MYH10: variants seen among roughly 807,000 people sequenced by gnomAD.
The protein encoded by MYH10 is myosin heavy chain 10, also known as myosin-10.
A neutral mutation model predicts 257.8 loss-of-function variants in MYH10; 55 were observed. The observed-to-expected ratio is 0.21, with a 90% CI of 0.17 to 0.27. The LOEUF is 0.27. MYH10 is among the 10% of genes least tolerant of loss of function. The pLI is 1.00. For missense variants in MYH10, 1,631 were observed against 2,500.6 expected, an observed-to-expected ratio of 0.65 and a Z score of 7.42; for synonymous variants, 854 against 921.7, an observed-to-expected ratio of 0.93 and a Z score of 1.33.
intron 4 of MYH10, among the ~76,000 whole-genome samples, chr17:8,580,598 T>G (rs2083668564): frequency 1.3e-5 from 2 of 152,162 alleles, no homozygotes; most frequent in Non-Finnish European, 2.9e-5. Flanking sequence ...TTTTTAAAGT[T>G]TACTCCTAGG....
At chr17:8,500,532 T>C (rs553029319) in intron 29 of MYH10, among the ~76,000 whole-genome samples, 1 of 152,266 alleles carries the variant, frequency 6.6e-6, no homozygotes, top group Non-Finnish European at 1.5e-5. Flanking sequence ...ATTCGGGGTT[T>C]TGAGTGAAGC....
At position 8,565,895 on chromosome 17, in the gene MYH10, C is replaced by T. The variant is rs145313534; in HGVS notation, c.756+3825G>A. 5.4e-3 allele frequency among the ~76,000 whole-genome samples: 828 copies of T among 152,302 alleles called. 3 individuals are homozygous for T. The highest frequency in any genetic ancestry group is 6.7e-3 in the Non-Finnish European group (454 of 68,012). On this transcript the variant is annotated intron_variant, in intron 7 of 42. Coordinates refer to ENST00000360416, the MANE Select transcript of MYH10 (RefSeq NM_001256012.3). ...GTATACATAACAAGCATTAAATAGA[C>T]TCATGTATTACTTTGCAAATAAATT...
chr17:8,558,091 C>T (rs533320229), intron 7 of MYH10, among the ~76,000 whole-genome samples: 3 of 152,144 alleles, frequency 2.0e-5, no homozygotes, highest in Non-Finnish European at 4.4e-5. Flanking sequence ...ATAAAACTGA[C>T]AATTTGTTTA....
rs1490180911 is a variant in MYH10, at chr17:8,500,976, G to A, written c.3600-6C>T. 10 of 1,610,414 alleles carry A rather than the reference G, an allele frequency of 6.2e-6. No homozygotes were observed. The highest frequency in any genetic ancestry group is 2.7e-5 in the African/African-American group (2 of 74,606). Reference sequence around the variant, plus strand: ...CTTCTTGTTCACGTTTTGTACTAGAGAAGGACATTTTTTAAGAGAGATCAG... The same window carrying A: ...CTTCTTGTTCACGTTTTGTACTAGAAAAGGACATTTTTTAAGAGAGATCAG... On this transcript the variant is annotated splice_region_variant and splice_polypyrimidine_tract_variant and intron_variant, in intron 28 of 42. Coordinates refer to ENST00000360416, the MANE Select transcript of MYH10 (RefSeq NM_001256012.3).
chr17:8,570,281 A>C (rs376171818), intron 6 of MYH10, among the ~76,000 whole-genome samples: 1 of 152,232 alleles, frequency 6.6e-6, no homozygotes, highest in East Asian at 1.9e-4. Flanking sequence ...TTCATATACT[A>C]TCTCTATCAT....
chr17:8,487,942 G>A (rs910151035), intron 35 of MYH10, among the ~76,000 whole-genome samples: 7 of 152,162 alleles, frequency 4.6e-5, no homozygotes, highest in Non-Finnish European at 1.0e-4. Flanking sequence ...GGCACAGAGC[G>A]GGCATGGGGT....
At chr17:8,605,521 G>A (rs1567970957) in intron 2 of MYH10, among the ~76,000 whole-genome samples, 1 of 152,086 alleles carries the variant, frequency 6.6e-6, no homozygotes, top group Non-Finnish European at 1.5e-5. Flanking sequence ...CGAGGAGGGT[G>A]GATCACAAGG....
chr17:8,562,670 C>T (rs944026830), intron 7 of MYH10, among the ~76,000 whole-genome samples: 3 of 152,168 alleles, frequency 2.0e-5, no homozygotes, highest in Non-Finnish European at 2.9e-5. Context: ...GTATTAATTA[C>T]AGCTACACAT....
intron 7 of MYH10, among the ~76,000 whole-genome samples, chr17:8,566,481 A>G (rs1462895701): frequency 2.0e-5 from 3 of 152,162 alleles, no homozygotes; most frequent in Admixed American, 2.0e-4. Flanking sequence ...CCCTATGGAG[A>G]GGCTGCCTCC....
intron 3 of MYH10, among the ~76,000 whole-genome samples, chr17:8,598,927 G>A (rs1160754034): frequency 6.6e-6 from 1 of 152,112 alleles, no homozygotes; most frequent in African/African-American, 2.4e-5. Flanking sequence ...GGCTGGTCTT[G>A]AACTCCTGAG....
At chr17:8,508,428 C>A in intron 26 of MYH10, 126 bp downstream of exon 26, 1 of 1,362,612 alleles carries the variant, frequency 7.3e-7, no homozygotes, top group East Asian at 2.4e-5. Flanking sequence ...ATAAGTCAAC[C>A]CAAACTGAAG....
At position 8,479,930 on chromosome 17, in the gene MYH10, C is replaced by T. The variant is rs551108645; in HGVS notation, c.5597+180G>A. Reference sequence around the variant, plus strand: ...ACTGTTCACGGATGCCGTCTGTCCTCCCAGGCTCTGAATGCTCACAGCTCT... The same window carrying T: ...ACTGTTCACGGATGCCGTCTGTCCTTCCAGGCTCTGAATGCTCACAGCTCT... On this transcript the variant is annotated intron_variant, in intron 40 of 42. Coordinates refer to ENST00000360416, the MANE Select transcript of MYH10 (RefSeq NM_001256012.3). 8.7e-4 allele frequency among the ~76,000 whole-genome samples: 132 copies of T among 152,312 alleles called. 1 individual carries two copies. Among genetic ancestry groups the T allele is most frequent in the Non-Finnish European group, 1.4e-3 (98 of 68,034 alleles).
At position 8,475,725 on chromosome 17, in the gene MYH10, C is replaced by G. The variant is rs913978721; in HGVS notation, c.*79G>C. ...TTCAGGAAGGAATCCCGTAGCTTGC[C>G]AATTTCCGAAATCTGCAGGAGGCCC... On this transcript the variant is annotated 3_prime_UTR_variant, in exon 43 of 43. Transcript: ENST00000360416. 2.0e-6 allele frequency: 3 copies of G among 1,523,200 alleles called. No individual in the cohort carries two copies. Among genetic ancestry groups the G allele is most frequent in the Non-Finnish European group, 1.8e-6 (2 of 1,121,304 alleles). The allele number at this position is 1,523,200 out of a possible 1,614,324, so 94.4% of individuals were successfully genotyped here.
chr17:8,526,620 A>G (rs1202401836), intron 17 of MYH10, among the ~76,000 whole-genome samples: 1 of 121,856 alleles, frequency 8.2e-6, no homozygotes, highest in Non-Finnish European at 1.8e-5. Flanking sequence ...GTGAGGACAT[A>G]TTCGCATAGC....
intron 30 of MYH10, among the ~76,000 whole-genome samples, chr17:8,496,408 G>T (rs1916634652): frequency 6.6e-6 from 1 of 152,230 alleles, no homozygotes; most frequent in Admixed American, 6.5e-5. Flanking sequence ...AAAGTCAAGA[G>T]GGACTCCTGC....
intron 14 of MYH10, among the ~76,000 whole-genome samples, chr17:8,536,338 C>G (rs1304880957): frequency 6.6e-6 from 1 of 152,114 alleles, no homozygotes; most frequent in Non-Finnish European, 1.5e-5. Context: ...ATGCTTCAAA[C>G]ATTTTATATC....
chr17:8,502,558 T>C (rs1230309110), intron 28 of MYH10, among the ~76,000 whole-genome samples: 2 of 151,996 alleles, frequency 1.3e-5, no homozygotes, highest in African/African-American at 4.8e-5. Flanking sequence ...TCTTCTCTTC[T>C]CCAGGCTGAA....
chr17:8,603,458 T>C (rs1340698145), intron 3 of MYH10, among the ~76,000 whole-genome samples: 1 of 152,192 alleles, frequency 6.6e-6, no homozygotes, highest in Non-Finnish European at 1.5e-5. Context: ...GTCCCCATCT[T>C]TCTGGAAACT....
chr17:8,595,342 G>C (rs1252404150), intron 3 of MYH10, among the ~76,000 whole-genome samples: 1 of 150,368 alleles, frequency 6.7e-6, no homozygotes, highest in African/African-American at 2.5e-5. Flanking sequence ...CCTTCAATCT[G>C]TGTGCCCTCA....
Sources: allele counts gnomAD v4.1 joint callset (sites outside exome capture counted in the v4.1 genomes callset), GRCh38; gene constraint gnomAD v4.1.1; transcripts MANE v1.5; gene names NCBI Gene and HGNC (gene_info 2026-07-23, HGNC 2026-07-21).